ERO1A: variants seen among roughly 807,000 people sequenced by gnomAD.
ERO1A encodes endoplasmic reticulum oxidoreductase 1 alpha, also known as ERO1-like protein alpha.
Under a neutral mutation model 76.9 loss-of-function variants are expected in ERO1A, and 49 were observed. The ratio of observed to expected loss-of-function variants is 0.64; its 90% confidence interval spans 0.51 to 0.81. ERO1A has a LOEUF of 0.81. ERO1A is among the 30% of genes least tolerant of loss of function. The pLI, the probability that ERO1A is intolerant of heterozygous loss-of-function variation, is 0.00. For synonymous variants in ERO1A, 174 were observed against 181.2 expected (o/e 0.96, Z 0.32); for missense variants, 448 against 542.1 (o/e 0.83, Z 1.72).
intron 1 of ERO1A, among the ~76,000 whole-genome samples, chr14:52,694,071 T>C (rs954347194): frequency 6.6e-6 from 1 of 152,224 alleles, no homozygotes; most frequent in African/African-American, 2.4e-5. Context: ...TATTCCAGTA[T>C]CCAAATCTCC....
At chr14:52,655,622 C>G (rs763679932) in intron 11 of ERO1A, among the ~76,000 whole-genome samples, 21 of 151,768 alleles carry the variant, frequency 1.4e-4, no homozygotes, top group Non-Finnish European at 2.6e-4. Flanking sequence ...GATATTACAA[C>G]TCAGAGGAAT....
At chr14:52,687,445 A>G (rs1271937694) in intron 1 of ERO1A, among the ~76,000 whole-genome samples, 1 of 152,180 alleles carries the variant, frequency 6.6e-6, no homozygotes, top group East Asian at 1.9e-4. Context: ...AACAAAAAAG[A>G]ATAGAGCCTC....
intron 1 of ERO1A, among the ~76,000 whole-genome samples, chr14:52,686,941 A>C (rs2041196665): frequency 6.6e-6 from 1 of 152,148 alleles, no homozygotes; most frequent in Non-Finnish European, 1.5e-5. Flanking sequence ...CTACAACCAC[A>C]GGTAGCAGGG....
intron 1 of ERO1A, among the ~76,000 whole-genome samples, chr14:52,684,156 G>C (rs1290076808): frequency 4.5e-4 from 52 of 115,312 alleles, no homozygotes; most frequent in East Asian, 3.0e-3. Flanking sequence ...CACACAGAGA[G>C]AGTTGGCCCC....
chr14:52,678,430 A>G lies in ERO1A; in HGVS notation c.357+4T>C. On this transcript the variant is annotated splice_donor_region_variant and intron_variant, in intron 4 of 15. Coordinates refer to ENST00000395686, the MANE Select transcript of ERO1A (RefSeq NM_014584.3). ...TGGACACATCAATAGGTATACGTAC[A>G]CACCTTGTAGCTCGCAGATTTAATT... The G allele has an allele frequency of 1.2e-6, 2 of 1,613,124 alleles. No homozygotes were observed. The highest frequency in any genetic ancestry group is 1.7e-6 in the Non-Finnish European group (2 of 1,179,336).
chr14:52,648,152 C>A (rs2039734663), intron 13 of ERO1A, among the ~76,000 whole-genome samples: 1 of 151,864 alleles, frequency 6.6e-6, no homozygotes, highest in Admixed American at 6.6e-5. Flanking sequence ...TATTCTCTAT[C>A]TTGGTTTCAG....
chr14:52,674,664 C>A (rs1393516007), intron 4 of ERO1A, among the ~76,000 whole-genome samples: 1 of 152,150 alleles, frequency 6.6e-6, no homozygotes, highest in Non-Finnish European at 1.5e-5. Flanking sequence ...TAAAAATGAG[C>A]AAAATTAGTT....
intron 9 of ERO1A, among the ~76,000 whole-genome samples, chr14:52,660,736 T>C (rs2040203764): frequency 6.6e-6 from 1 of 152,206 alleles, no homozygotes; most frequent in Non-Finnish European, 1.5e-5. Flanking sequence ...CTAAGCACCA[T>C]TAAGTCTTTT....
At position 52,640,721 on chromosome 14, in the gene ERO1A, T is replaced by TA. The variant is rs2139600044; in HGVS notation, c.*2848dup. 1 of 152,282 alleles carries TA rather than the reference T, an allele frequency of 6.6e-6. No individual in the cohort carries two copies. The highest frequency in any genetic ancestry group is 2.1e-4 in the South Asian group (1 of 4,820). The allele number at this position is 152,282 out of a possible 1,614,324, so 9.4% of individuals were successfully genotyped here. ...AGGTGGAGATAAAATCAGTAAAACT[T>TA]AGACACTAAATGATAGGGGAAGGTG... is the stretch of plus-strand genomic sequence containing the variant. On this transcript the variant is annotated 3_prime_UTR_variant, in exon 16 of 16. Transcript: ENST00000395686.
At chr14:52,658,332 A>G in intron 9 of ERO1A, 182 bp from the exon 10 acceptor site, 3 of 551,184 alleles carry the variant, frequency 5.4e-6, no homozygotes, top group Non-Finnish European at 9.7e-6. Flanking sequence ...GATTCAGTTA[A>G]GTACCAGCCT....
At chr14:52,692,968 T>G (rs915503436) in intron 1 of ERO1A, among the ~76,000 whole-genome samples, 1 of 151,452 alleles carries the variant, frequency 6.6e-6, no homozygotes, top group African/African-American at 2.4e-5. Flanking sequence ...ACTTATAGAA[T>G]TGGAATTGAT....
chr14:52,683,971 C>G (rs1348005521), intron 1 of ERO1A, 64 bp from the exon 2 acceptor site: 1 of 1,353,500 alleles, frequency 7.4e-7, no homozygotes, highest in African/African-American at 1.5e-5. Flanking sequence ...TCTTTTTCCT[C>G]ACATGGTTGT....
intron 7 of ERO1A, among the ~76,000 whole-genome samples, chr14:52,664,648 T>C (rs2040341911): frequency 6.6e-6 from 1 of 152,212 alleles, no homozygotes; most frequent in South Asian, 2.1e-4. Context: ...AATACAAATC[T>C]AACAAATGCT....
At chr14:52,668,441 A>T (rs1042752107) in intron 6 of ERO1A, among the ~76,000 whole-genome samples, 1 of 152,102 alleles carries the variant, frequency 6.6e-6, no homozygotes, top group Non-Finnish European at 1.5e-5. Context: ...GCTACTCGGG[A>T]GGCTGAGGCA....
In ERO1A at chr14:52,690,593, T is replaced by C. The variant is rs181645339; in HGVS notation, c.114+4775A>G. Among the ~76,000 whole-genome samples the C allele has an allele frequency of 7.1e-4, 108 of 152,022 alleles. No individual in the cohort carries two copies. In the Middle Eastern group the frequency reaches 0.01, roughly 14 times the overall value. On this transcript the variant is annotated intron_variant, in intron 1 of 15. Coordinates refer to ENST00000395686, the MANE Select transcript of ERO1A (RefSeq NM_014584.3). ...GCGGGTGCCTGTAGTCCCAGCTACT[T>C]GGGAGGCTGAGGCAGGAGAATCACT...
intron 4 of ERO1A, among the ~76,000 whole-genome samples, chr14:52,676,924 T>G (rs976750100): frequency 3.9e-5 from 6 of 151,952 alleles, no homozygotes; most frequent in African/African-American, 1.5e-4. Context: ...CCAACCTATT[T>G]TAATGCAACT....
Position 52,695,529 on chromosome 14 carries a change from C to G in ERO1A, c.-48G>C. The G allele has an allele frequency of 7.3e-7, 1 of 1,361,574 alleles. No individual in the cohort carries two copies. The allele number at this position is 1,361,574 out of a possible 1,614,324, so 84.3% of individuals were successfully genotyped here. Reference sequence around the variant, plus strand: ...CCCACGCTTGGGAGGCCAGTCCGCACGCTCGGTCGCGGGCCGTGCGCCCTC... The same window carrying G: ...CCCACGCTTGGGAGGCCAGTCCGCAGGCTCGGTCGCGGGCCGTGCGCCCTC... On this transcript the variant is annotated 5_prime_UTR_variant, in exon 1 of 16. Coordinates refer to ENST00000395686, the MANE Select transcript of ERO1A (RefSeq NM_014584.3).
At chr14:52,694,846 CA>C (rs1187532763) in intron 1 of ERO1A, among the ~76,000 whole-genome samples, 1 of 152,130 alleles carries the variant, frequency 6.6e-6, no homozygotes, top group Non-Finnish European at 1.5e-5. Context: ...ACTGCAGTCC[CA>C]AAGACATCAG....
At chr14:52,661,172 T>A in intron 9 of ERO1A, 121 bp downstream of exon 9, 2 of 387,806 alleles carry the variant, frequency 5.2e-6, no homozygotes, top group East Asian at 8.1e-5. Context: ...TTCAGATAAA[T>A]AAGTAAAACT....
Sources: gnomAD v4.1 joint callset for allele counts (sites outside exome capture counted in the v4.1 genomes callset) on GRCh38, gnomAD v4.1.1 for gene constraint, MANE v1.5 for transcripts, NCBI Gene and HGNC (gene_info 2026-07-23, HGNC 2026-07-21) for gene names.